NDRG3: variants seen among roughly 807,000 people sequenced by gnomAD.
NDRG3 encodes the protein NDRG family member 3.
Under a neutral mutation model 57.2 loss-of-function variants are expected in NDRG3, and 23 were observed. The observed-to-expected ratio is 0.40, with a 90% CI of 0.29 to 0.57. NDRG3 has a LOEUF of 0.57. Ranked by LOEUF, NDRG3 falls within the 20% of genes least tolerant of loss-of-function variation. The pLI is 0.42. For synonymous variants in NDRG3, 132 were observed against 162.6 expected (o/e 0.81, Z 1.43); for missense variants, 384 against 457.3 (o/e 0.84, Z 1.46).
chr20:36,682,059 A>G (rs921867814), intron 7 of NDRG3, among the ~76,000 whole-genome samples: 1 of 152,214 alleles, frequency 6.6e-6, no homozygotes, highest in Non-Finnish European at 1.5e-5. Context: ...TTTGATAAGC[A>G]GAGAAATTAT....
chr20:36,659,090 G>A (rs1978929576), intron 13 of NDRG3, among the ~76,000 whole-genome samples: 1 of 151,582 alleles, frequency 6.6e-6, no homozygotes, highest in African/African-American at 2.4e-5. Flanking sequence ...CTGGGGCTAC[G>A]GATGCGCACC....
intron 1 of NDRG3, among the ~76,000 whole-genome samples, chr20:36,728,460 GGACAGATGGATA>G (rs1985078177): frequency 6.6e-6 from 1 of 152,160 alleles, no homozygotes. Context: ...AAGTGACAAA[GGACAGATGGATA>G]GACAGATGGA....
At chr20:36,675,117 T>C (rs1980556412) in intron 8 of NDRG3, among the ~76,000 whole-genome samples, 1 of 146,316 alleles carries the variant, frequency 6.8e-6, no homozygotes, top group African/African-American at 2.6e-5. Context: ...TAGAATGCAG[T>C]GGCATGATCT....
At chr20:36,668,392 C>T (rs935673614) in intron 9 of NDRG3, among the ~76,000 whole-genome samples, 8 of 152,196 alleles carry the variant, frequency 5.3e-5, no homozygotes, top group African/African-American at 1.9e-4. Context: ...TTTACACTAC[C>T]CATCTTCCCA....
chr20:36,665,228 G>A lies in NDRG3; in HGVS notation c.758+8C>T, dbSNP rs368107933. On this transcript the variant is annotated splice_region_variant and intron_variant, in intron 11 of 15. Coordinates refer to ENST00000349004, the MANE Select transcript of NDRG3 (RefSeq NM_032013.4). The stretch of plus-strand genomic sequence containing the variant: ...TGGCAAGTCAGCTGAGGAAACTGAG[G>A]AACTTACTTTAATGTTTTTGATTTG... 8.1e-6 allele frequency: 13 copies of A among 1,613,764 alleles called. No homozygotes were observed. The highest frequency in any genetic ancestry group is 9.3e-6 in the Non-Finnish European group (11 of 1,179,814).
chr20:36,666,417 G>A (rs1979638754), intron 9 of NDRG3, 25 bp from the exon 10 acceptor site: 1 of 1,533,590 alleles, frequency 6.5e-7, no homozygotes, highest in Non-Finnish European at 9.0e-7. Context: ...AGAAGACATG[G>A]GTAAGCTTCT....
intron 3 of NDRG3, among the ~76,000 whole-genome samples, chr20:36,693,706 T>C: frequency 6.6e-6 from 1 of 151,828 alleles, no homozygotes; most frequent in East Asian, 1.9e-4. Flanking sequence ...GCAAGGGATC[T>C]AGGTTGTGTG....
intron 3 of NDRG3, 99 bp downstream of exon 3, chr20:36,706,869 TTAGC>T: frequency 1.0e-6 from 1 of 952,952 alleles, no homozygotes; most frequent in African/African-American, 1.6e-5. Context: ...GGACTCATTA[TTAGC>T]TATAATGAGA....
Position 36,732,080 on chromosome 20 carries a change from C to T in NDRG3, c.-48-10297G>A, listed in dbSNP as rs766136148. On this transcript the variant is annotated intron_variant, in intron 1 of 15. Transcript: ENST00000349004. ...AGGCTGCAGCGAGCCACGACTGCAC[C>T]GCTGCAGTCCAGCCTGGGCAACAGA... is the stretch of plus-strand genomic sequence containing the variant. 5.3e-5 allele frequency among the ~76,000 whole-genome samples: 8 copies of T among 151,574 alleles called. No individual in the cohort carries two copies. The East Asian group carries it at 1.2e-3, about 22-fold the overall frequency.
chr20:36,721,400 G>A lies in NDRG3; in HGVS notation c.57+279C>T, dbSNP rs193065864. Among the ~76,000 whole-genome samples, 317 of 151,822 alleles carry A rather than the reference G, an allele frequency of 2.1e-3. 3 individuals are homozygous for A. Among genetic ancestry groups the A allele is most frequent in the Non-Finnish European group, 3.0e-3 (204 of 67,932 alleles). On this transcript the variant is annotated intron_variant, in intron 2 of 15. Transcript: ENST00000349004. Reference sequence around the variant, plus strand: ...AAAAATTAGCTGGGCGTGATGACACGTGCCTGTAATCTCAGCTACTTGGGA... The same window carrying A: ...AAAAATTAGCTGGGCGTGATGACACATGCCTGTAATCTCAGCTACTTGGGA...
chr20:36,719,331 G>A (rs1600950370), intron 2 of NDRG3, among the ~76,000 whole-genome samples: 1 of 151,326 alleles, frequency 6.6e-6, no homozygotes, highest in Admixed American at 6.6e-5. Context: ...GGAGGCTGAA[G>A]CAGGAGAATC....
intron 1 of NDRG3, among the ~76,000 whole-genome samples, chr20:36,734,134 C>G (rs531772990): frequency 5.3e-5 from 8 of 151,788 alleles, no homozygotes; most frequent in African/African-American, 1.5e-4. Context: ...CCAAGGCAGG[C>G]GGATCACCTT....
At chr20:36,721,338 GGC>G (rs1208651772) in intron 2 of NDRG3, among the ~76,000 whole-genome samples, 3 of 151,642 alleles carry the variant, frequency 2.0e-5, no homozygotes, top group Non-Finnish European at 4.4e-5. Flanking sequence ...AGACCATCCT[GGC>G]CAACATGATG....
Position 36,660,381 on chromosome 20 carries a change from C to T in NDRG3, c.814G>A (p.Glu272Lys), listed in dbSNP as rs1166277824. ...DNSPAVEAVVECNSRLNPINT... is the reference protein window; with the variant it reads ...DNSPAVEAVVKCNSRLNPINT... ...ATAGGGTTCAGGCGGGAATTGCATTCGACCTAAAATTTAAAAAAAGAGAAG... is the reference window on the plus strand; with the variant it reads ...ATAGGGTTCAGGCGGGAATTGCATTTGACCTAAAATTTAAAAAAAGAGAAG... Residue 272 changes from glutamate (E) to lysine (K), a missense_variant, in exon 13 of 16, where the codon GAA (glutamate) becomes AAA (lysine). Physicochemically the swap from Glu to Lys is moderately conservative, Grantham distance 56. Transcript: ENST00000349004. The T allele has an allele frequency of 3.7e-6, 6 of 1,604,098 alleles. No individual in the cohort carries two copies. Among genetic ancestry groups the T allele is most frequent in the Non-Finnish European group, 5.1e-6 (6 of 1,174,000 alleles).
chr20:36,741,677 G>C (rs2148236191), intron 1 of NDRG3, among the ~76,000 whole-genome samples: 1 of 152,158 alleles, frequency 6.6e-6, no homozygotes, highest in South Asian at 2.1e-4. Flanking sequence ...GCACTTTTTT[G>C]AAACAAGTTA....
intron 2 of NDRG3, among the ~76,000 whole-genome samples, chr20:36,720,838 T>C (rs1379466334): frequency 6.6e-6 from 1 of 151,600 alleles, no homozygotes; most frequent in Non-Finnish European, 1.5e-5. Flanking sequence ...TGGCGCAGTC[T>C]TGGCTCACTG....
chr20:36,658,950 CG>C (rs1978916850), intron 13 of NDRG3, among the ~76,000 whole-genome samples: 1 of 149,716 alleles, frequency 6.7e-6, no homozygotes, highest in South Asian at 2.1e-4. Context: ...ATCATGTTGA[CG>C]AAGTTTTTTT....
intron 1 of NDRG3, among the ~76,000 whole-genome samples, chr20:36,735,762 G>C (rs1333665233): frequency 6.6e-6 from 1 of 152,096 alleles, no homozygotes; most frequent in Non-Finnish European, 1.5e-5. Flanking sequence ...GCTGAGGTGG[G>C]AGGATCACTT....
chr20:36,732,775 A>G (rs556615232), intron 1 of NDRG3, among the ~76,000 whole-genome samples: 163 of 152,234 alleles, frequency 1.1e-3, no homozygotes, highest in Non-Finnish European at 2.0e-3. Flanking sequence ...CCCTGGGGAC[A>G]TGAGGGTCTC....
Sources: gnomAD v4.1 joint callset for allele counts (sites outside exome capture counted in the v4.1 genomes callset) on GRCh38, gnomAD v4.1.1 for gene constraint, MANE v1.5 for transcripts, NCBI Gene and HGNC (gene_info 2026-07-23, HGNC 2026-07-21) for gene names.